The following NHSL2 variants were observed in gnomAD, a reference collection of about 807,000 sequenced individuals.
The protein encoded by NHSL2 is NHS like 2.
A neutral mutation model predicts 53.4 loss-of-function variants in NHSL2; 27 were observed. The observed-to-expected ratio is 0.51, with a 90% CI of 0.37 to 0.70. The LOEUF (loss-of-function observed/expected upper bound fraction) is 0.70, where lower values mean the gene tolerates loss of function less well. Ranked by LOEUF, NHSL2 falls within the 30% of genes least tolerant of loss-of-function variation. The pLI is 0.00. For missense variants in NHSL2, 892 were observed against 980.1 expected (o/e 0.91, Z 1.20); for synonymous variants, 408 against 404.1 (o/e 1.01, Z -0.12).
intron 1 of NHSL2, among the ~76,000 whole-genome samples, chrX:71,973,868 C>G (rs1237266379): frequency 4.5e-5 from 5 of 111,032 alleles, no homozygotes; most frequent in Non-Finnish European, 7.6e-5. Flanking sequence ...GAGACATGCT[C>G]CTGGAGTGAA....
In NHSL2 at chrX:72,056,117, G is replaced by A. The variant is rs563234859; in HGVS notation, c.281-75962G>A. On this transcript the variant is annotated intron_variant, in intron 1 of 7. Coordinates refer to ENST00000633930, the MANE Select transcript of NHSL2 (RefSeq NM_001013627.3). The stretch of plus-strand genomic sequence containing the variant: ...CACCATTAACCCTTTTTTTAAAAGC[G>A]GACATTTTCCCATGTAAATCAGTAC... 4.5e-5 allele frequency among the ~76,000 whole-genome samples: 5 copies of A among 111,323 alleles called. No individual in the cohort carries two copies. The South Asian group carries it at 1.5e-3, about 34-fold the overall frequency.
At chrX:72,020,825 T>C (rs1423684805) in intron 1 of NHSL2, among the ~76,000 whole-genome samples, 1 of 112,823 alleles carries the variant, frequency 8.9e-6, no homozygotes, top group Non-Finnish European at 1.9e-5. Flanking sequence ...GATGATGGTT[T>C]GTATGTTGAC....
intron 1 of NHSL2, chrX:71,966,004 C>T (rs1439617603): frequency 8.9e-6 from 1 of 112,616 alleles, no homozygotes; most frequent in Non-Finnish European, 1.9e-5. Context: ...ATTTGCATGT[C>T]ATCCTTGCAC....
At chrX:71,922,527 T>C (rs1168507720) in intron 1 of NHSL2, among the ~76,000 whole-genome samples, 1 of 112,175 alleles carries the variant, frequency 8.9e-6, no homozygotes, top group South Asian at 3.7e-4. Flanking sequence ...AAGAATAGGC[T>C]GTAGGTGGGA....
chrX:72,021,056 C>T (rs890189196), intron 1 of NHSL2, among the ~76,000 whole-genome samples: 3 of 93,990 alleles, frequency 3.2e-5, no homozygotes, highest in Non-Finnish European at 5.8e-5. Flanking sequence ...CACACGCGTG[C>T]GCATACACAC....
intron 1 of NHSL2, among the ~76,000 whole-genome samples, chrX:72,102,488 G>A (rs947288267): frequency 1.8e-5 from 2 of 111,939 alleles, no homozygotes; most frequent in Non-Finnish European, 3.8e-5. Context: ...ACTCTACTCT[G>A]TAAAATGGGG....
At chrX:72,084,374 A>G (rs2041817354) in intron 1 of NHSL2, among the ~76,000 whole-genome samples, 1 of 112,179 alleles carries the variant, frequency 8.9e-6, no homozygotes, top group Non-Finnish European at 1.9e-5. Context: ...CGGGAAGTTT[A>G]TTGGGGTACT....
intron 1 of NHSL2, among the ~76,000 whole-genome samples, chrX:72,100,497 C>T (rs763122966): frequency 3.5e-4 from 39 of 112,109 alleles, no homozygotes; most frequent in Non-Finnish European, 4.7e-4. Context: ...AAGCAGGGGT[C>T]CTCAACCCCT....
chrX:71,982,948 C>G (rs749059214), intron 1 of NHSL2, among the ~76,000 whole-genome samples: 1 of 112,334 alleles, frequency 8.9e-6, no homozygotes, highest in Non-Finnish European at 1.9e-5. Context: ...CTAGAACTTG[C>G]AACTGGTGTG....
At chrX:71,931,700 T>A (rs1048494875) in intron 1 of NHSL2, among the ~76,000 whole-genome samples, 1 of 112,888 alleles carries the variant, frequency 8.9e-6, no homozygotes, top group Admixed American at 9.4e-5. Flanking sequence ...ATTTCTGGAC[T>A]GTCAATTCTA....
chrX:72,069,900 C>G (rs2042457005), intron 1 of NHSL2: 1 of 293,146 alleles, frequency 3.4e-6, no homozygotes, highest in Admixed American at 6.2e-5. Context: ...GGTGAACTTC[C>G]AGCTCCCCTG....
chrX:72,077,528 C>T (rs768626900), intron 1 of NHSL2, among the ~76,000 whole-genome samples: 3 of 111,623 alleles, frequency 2.7e-5, no homozygotes, highest in African/African-American at 9.8e-5. Context: ...TATACACAGC[C>T]GTTTCCCCAC....
At chrX:72,070,077 A>C (rs1203270989) in intron 1 of NHSL2, among the ~76,000 whole-genome samples, 1 of 111,650 alleles carries the variant, frequency 9.0e-6, no homozygotes, top group Non-Finnish European at 1.9e-5. Flanking sequence ...TTCTCCCTGG[A>C]TCCAGTAGGC....
intron 1 of NHSL2, among the ~76,000 whole-genome samples, chrX:71,963,968 TATATAC>T (rs1274979615): frequency 3.4e-4 from 2 of 5,969 alleles, no homozygotes; most frequent in African/African-American, 3.7e-4. Flanking sequence ...TACACATATA[TATATAC>T]ATATATATAT....
At chrX:72,046,135 G>T (rs746106656) in intron 1 of NHSL2, among the ~76,000 whole-genome samples, 1 of 112,193 alleles carries the variant, frequency 8.9e-6, no homozygotes, top group Non-Finnish European at 1.9e-5. Flanking sequence ...CTGTTTCCCC[G>T]AATTCCCTAG....
chrX:71,940,062 G>A (rs1304359473), intron 1 of NHSL2, among the ~76,000 whole-genome samples: 1 of 112,013 alleles, frequency 8.9e-6, no homozygotes, highest in Non-Finnish European at 1.9e-5. Context: ...AGGCCTAGGA[G>A]CAAGACCTGA....
At chrX:72,046,697 C>T (rs1475686530) in intron 1 of NHSL2, among the ~76,000 whole-genome samples, 2 of 109,637 alleles carry the variant, frequency 1.8e-5, no homozygotes, top group African/African-American at 6.7e-5. Context: ...ATTTCAAGGA[C>T]GGACACTGCA....
chrX:72,012,369 T>A (rs765111571), intron 1 of NHSL2, among the ~76,000 whole-genome samples: 1 of 112,231 alleles, frequency 8.9e-6, no homozygotes, highest in South Asian at 3.7e-4. Flanking sequence ...AACAACAGAA[T>A]GTATTCTCTC....
chrX:72,044,313 C>T (rs1358629757), intron 1 of NHSL2, among the ~76,000 whole-genome samples: 1 of 111,916 alleles, frequency 8.9e-6, no homozygotes, highest in African/African-American at 3.3e-5. Context: ...AGATTTAGGG[C>T]AGCTGACTGA....
Sources: gnomAD v4.1 joint callset for allele counts (sites outside exome capture counted in the v4.1 genomes callset) on GRCh38, gnomAD v4.1.1 for gene constraint, MANE v1.5 for transcripts, NCBI Gene and HGNC (gene_info 2026-07-23, HGNC 2026-07-21) for gene names.